Variants in POU2AF1 observed in about 807,000 individuals in gnomAD.
POU2AF1 encodes POU domain class 2-associating factor 1.
In POU2AF1, 12 loss-of-function variants were observed where a neutral mutation model predicts 26.3. The observed-to-expected ratio is 0.46, with a 90% CI of 0.29 to 0.74. The LOEUF (loss-of-function observed/expected upper bound fraction) is 0.74, where lower values mean the gene tolerates loss of function less well. Among genes scored for constraint, POU2AF1 ranks in the 30% least tolerant of loss-of-function variants. The pLI, the probability that POU2AF1 is intolerant of heterozygous loss-of-function variation, is 0.09. For synonymous variants in POU2AF1, 175 were observed against 148.0 expected (o/e 1.18, Z -1.32); for missense variants, 297 against 334.5 (o/e 0.89, Z 0.87).
At chr11:111,355,296 C>G (rs1860821504) in intron 4 of POU2AF1, among the ~76,000 whole-genome samples, 1 of 152,240 alleles carries the variant, frequency 6.6e-6, no homozygotes, top group Non-Finnish European at 1.5e-5. Context: ...CATGACCCTC[C>G]AAGTGTTAGA....
rs2135100935 is a variant in POU2AF1, at chr11:111,353,216, C to T, written c.*1045G>A. 4.3e-6 allele frequency: 1 copy of T among 233,130 alleles called. No individual in the cohort carries two copies. The highest frequency in any genetic ancestry group is 8.5e-6 in the Non-Finnish European group (1 of 117,940). The allele number at this position is 233,130 out of a possible 1,614,324, so 14.4% of individuals were successfully genotyped here. On this transcript the variant is annotated 3_prime_UTR_variant, in exon 5 of 5. Coordinates refer to ENST00000393067, the MANE Select transcript of POU2AF1 (RefSeq NM_006235.3). ...CACCCTGTTTACAACAGCCCAACTT[C>T]CCTTGCACGTATCCTCAAGGAGAGC...
intron 1 of POU2AF1, among the ~76,000 whole-genome samples, chr11:111,361,940 C>T (rs1861017463): frequency 6.6e-6 from 1 of 152,120 alleles, no homozygotes; most frequent in Non-Finnish European, 1.5e-5. Context: ...AGGGACTTCT[C>T]ATTCCTTCAG....
rs193242261 is a variant in POU2AF1 at position 111,372,692 on chromosome 11, A to G, written c.16+6470T>C. ...GAGATAATGCACTCAAAGCATAGTG[A>G]AGACTGGCAGTTGTTACACTCAACA... On this transcript the variant is annotated intron_variant, in intron 1 of 4. Transcript: ENST00000393067. 1.1e-4 allele frequency among the ~76,000 whole-genome samples: 17 copies of G among 152,308 alleles called. No individual in the cohort carries two copies. The East Asian group carries it at 3.3e-3, about 29-fold the overall frequency.
chr11:111,359,010 C>T, intron 1 of POU2AF1, 92 bp from the exon 2 acceptor site: 1 of 1,509,190 alleles, frequency 6.6e-7, no homozygotes, highest in Non-Finnish European at 8.8e-7. Flanking sequence ...GCCTGCTCCC[C>T]TAAGTCGTGC....
chr11:111,363,931 C>T, intron 1 of POU2AF1: 2 of 985,374 alleles, frequency 2.0e-6, no homozygotes, highest in Non-Finnish European at 2.4e-6. Flanking sequence ...GCCTCTCGGC[C>T]CTGATTGGAG....
At position 111,353,442 on chromosome 11, in the gene POU2AF1, C is replaced by T. The variant is rs1304038365; in HGVS notation, c.*819G>A. 2 of 233,800 alleles carry T rather than the reference C, an allele frequency of 8.6e-6. No individual in the cohort carries two copies. The highest frequency in any genetic ancestry group is 4.4e-5 in the African/African-American group (2 of 45,324). The allele number at this position is 233,800 out of a possible 1,614,324, so 14.5% of individuals were successfully genotyped here. A position where few individuals can be genotyped will look rare whatever the true frequency, so the allele number is the denominator to read the frequency against. The stretch of plus-strand genomic sequence containing the variant: ...CCCTCTCTTCGTCACTGGCCTGTCC[C>T]CACCCACCCTGATGTTCTTTTCTCC... On this transcript the variant is annotated 3_prime_UTR_variant, in exon 5 of 5. Coordinates refer to ENST00000393067, the MANE Select transcript of POU2AF1 (RefSeq NM_006235.3).
chr11:111,355,338 C>T (rs75306033), intron 4 of POU2AF1, among the ~76,000 whole-genome samples: 2,113 of 152,332 alleles, frequency 0.014, 53 homozygotes, highest in African/African-American at 0.047. Flanking sequence ...CGAGTCATAC[C>T]TCTCACCTGC....
chr11:111,365,131 A>G (rs1861080690), intron 1 of POU2AF1, among the ~76,000 whole-genome samples: 1 of 152,198 alleles, frequency 6.6e-6, no homozygotes. Flanking sequence ...CCAACTGCCC[A>G]AGTTCCAAGG....
In POU2AF1 at chr11:111,355,501, C is replaced by T. The variant is rs1237978181; in HGVS notation, c.457-926G>A. Among the ~76,000 whole-genome samples, 3 of 152,322 alleles carry T rather than the reference C, an allele frequency of 2.0e-5. No homozygotes were observed. The East Asian group carries it at 5.8e-4, about 29-fold the overall frequency. ...AGGCCAAAATCTCCCCCTACCATCC[C>T]TGTCTCCCCTGTCATATATCCCTCC... On this transcript the variant is annotated intron_variant, in intron 4 of 4. Coordinates refer to ENST00000393067, the MANE Select transcript of POU2AF1 (RefSeq NM_006235.3).
At chr11:111,363,996 G>A in intron 1 of POU2AF1, 1 of 985,374 alleles carries the variant, frequency 1.0e-6, no homozygotes, top group South Asian at 4.7e-5. Flanking sequence ...ACCACTGGAA[G>A]TCAAGCCAAT....
intron 4 of POU2AF1, among the ~76,000 whole-genome samples, chr11:111,356,658 T>TC (rs1214267193): frequency 1.2e-4 from 18 of 152,300 alleles, no homozygotes; most frequent in African/African-American, 4.1e-4. Flanking sequence ...CTTCCTTCAT[T>TC]CCCGGGGGAA....
rs537871516 is a variant in POU2AF1 at position 111,358,746 on chromosome 11, TCACA to T, written c.147+38_147+41del. On this transcript the variant is annotated intron_variant, in intron 2 of 4. Coordinates refer to ENST00000393067, the MANE Select transcript of POU2AF1 (RefSeq NM_006235.3). ...CTATCCCTGACACACACATTCTCTT[TCACA>T]CACACACACTCACACTCTCACACAC... 1,613 of 1,520,852 alleles carry T rather than the reference TCACA, an allele frequency of 1.1e-3. 16 individuals are homozygous for T. In the African/African-American group the frequency reaches 0.019, roughly 18 times the overall value. The allele number at this position is 1,520,852 out of a possible 1,614,324, so 94.2% of individuals were successfully genotyped here.
At chr11:111,357,415 C>G (rs749440013) in intron 4 of POU2AF1, 30 bp downstream of exon 4, 1 of 1,613,320 alleles carries the variant, frequency 6.2e-7, no homozygotes, top group Non-Finnish European at 8.5e-7. Context: ...TCAGCATGGG[C>G]GGGTGCAGTC....
chr11:111,361,775 T>G (rs1000385906), intron 1 of POU2AF1, among the ~76,000 whole-genome samples: 3 of 152,214 alleles, frequency 2.0e-5, no homozygotes, highest in African/African-American at 7.2e-5. Context: ...ATGGTATGTA[T>G]GTTGTAGGGT....
At chr11:111,366,375 G>C (rs1861105316) in intron 1 of POU2AF1, among the ~76,000 whole-genome samples, 1 of 152,196 alleles carries the variant, frequency 6.6e-6, no homozygotes, top group Non-Finnish European at 1.5e-5. Flanking sequence ...AAAGGTGGTT[G>C]GAAGACATGA....
In POU2AF1 at chr11:111,352,624, T is replaced by G; in HGVS notation, c.*1637A>C. 1 of 178,680 alleles carries G rather than the reference T, an allele frequency of 5.6e-6. No homozygotes were observed. The allele number at this position is 178,680 out of a possible 1,614,324, so 11.1% of individuals were successfully genotyped here. On this transcript the variant is annotated 3_prime_UTR_variant, in exon 5 of 5. Coordinates refer to ENST00000393067, the MANE Select transcript of POU2AF1 (RefSeq NM_006235.3). ...CAGAATGGTGGCTTATGGACGCTTT[T>G]AAGACACTAAAGAAACCCACATGGT... is the stretch of plus-strand genomic sequence containing the variant.
rs961754735 is a variant in POU2AF1, at chr11:111,357,937, G to A, written c.148-100C>T. ...AGGGCCTCAGGGCAGGAGAATAGAA[G>A]ATAGGAATCTCTCTGGTTAGAACAA... On this transcript the variant is annotated intron_variant, in intron 2 of 4. Coordinates refer to ENST00000393067, the MANE Select transcript of POU2AF1 (RefSeq NM_006235.3). 1.2e-4 allele frequency: 152 copies of A among 1,255,972 alleles called. 3 individuals are homozygous for A. In the South Asian group the frequency reaches 2.3e-3, roughly 19 times the overall value. 77.8% of individuals were successfully genotyped at this position (1,255,972 alleles called of 1,614,324 possible). A position where few individuals can be genotyped will look rare whatever the true frequency, so the allele number is the denominator to read the frequency against.
At chr11:111,369,615 A>G (rs1009542366) in intron 1 of POU2AF1, among the ~76,000 whole-genome samples, 2 of 152,232 alleles carry the variant, frequency 1.3e-5, no homozygotes, top group African/African-American at 4.8e-5. Context: ...AGCAAAGCAG[A>G]TTCCTGGATT....
At chr11:111,370,824 A>T (rs538373655) in intron 1 of POU2AF1, among the ~76,000 whole-genome samples, 1 of 152,136 alleles carries the variant, frequency 6.6e-6, no homozygotes, top group Non-Finnish European at 1.5e-5. Flanking sequence ...TCCAAACCCA[A>T]TGCTATATGT....
Sources: gnomAD v4.1 joint callset for allele counts (sites outside exome capture counted in the v4.1 genomes callset) on GRCh38, gnomAD v4.1.1 for gene constraint, MANE v1.5 for transcripts, NCBI Gene and HGNC (gene_info 2026-07-23, HGNC 2026-07-21) for gene names.